ATP8A1: variants seen among roughly 807,000 people sequenced by gnomAD.
ATP8A1 encodes ATPase phospholipid transporting 8A1, also known as phospholipid-transporting ATPase IA.
A neutral mutation model predicts 177.7 loss-of-function variants in ATP8A1; 90 were observed. The ratio of observed to expected loss-of-function variants is 0.51; its 90% CI spans 0.43 to 0.60. ATP8A1 has a LOEUF of 0.60. Ranked by LOEUF, ATP8A1 falls within the 20% of genes least tolerant of loss-of-function variation. The pLI is 0.00. For synonymous variants in ATP8A1, 493 were observed against 485.9 expected (o/e 1.01, Z -0.19); for missense variants, 1,072 against 1,392.8 (o/e 0.77, Z 3.67).
chr4:42,563,695 G>A lies in ATP8A1; in HGVS notation c.1340+5466C>T, dbSNP rs142214620. Among the ~76,000 whole-genome samples the A allele has an allele frequency of 5.3e-5, 8 of 152,244 alleles. No individual in the cohort carries two copies. In the East Asian group the frequency reaches 1.4e-3, roughly 26 times the overall value. On this transcript the variant is annotated intron_variant, in intron 15 of 36. Transcript: ENST00000381668. ...TCTAGGACTTGGTGCCCTGTGTCAC[G>A]GCCACTCCAGCCATAACTAAAAGAG...
chr4:42,652,706 C>G (rs892639910), intron 1 of ATP8A1, among the ~76,000 whole-genome samples: 1 of 152,146 alleles, frequency 6.6e-6, no homozygotes, highest in Non-Finnish European at 1.5e-5. Context: ...GTTCTCATGA[C>G]AGTGAATAAG....
At chr4:42,562,845 C>T (rs1425998450) in intron 15 of ATP8A1, among the ~76,000 whole-genome samples, 1 of 152,220 alleles carries the variant, frequency 6.6e-6, no homozygotes, top group African/African-American at 2.4e-5. Context: ...ACATGACTTG[C>T]TCTTCCTTGC....
intron 19 of ATP8A1, among the ~76,000 whole-genome samples, chr4:42,547,863 T>C (rs181038437): frequency 6.6e-6 from 1 of 152,338 alleles, no homozygotes; most frequent in African/African-American, 2.4e-5. Context: ...ATGTACAAGT[T>C]TGTCTTATGC....
At chr4:42,459,448 C>A in intron 27 of ATP8A1, 1 of 257,532 alleles carries the variant, frequency 3.9e-6, no homozygotes, top group South Asian at 3.7e-5. Context: ...AGATTTATTG[C>A]TGGCAGTGGC....
In ATP8A1 at chr4:42,611,801, T is replaced by A. The variant is rs182542398; in HGVS notation, c.409+4232A>T. ...TTCAATGTGCATATTAGAATAACAA[T>A]TATAAATTTGTAATTTATAAATTTC... On this transcript the variant is annotated intron_variant, in intron 5 of 36. Coordinates refer to ENST00000381668, the MANE Select transcript of ATP8A1 (RefSeq NM_006095.2). Among the ~76,000 whole-genome samples the A allele has an allele frequency of 4.3e-3, 649 of 152,368 alleles. 7 individuals carry two copies. Among genetic ancestry groups the A allele is most frequent in the Admixed American group, 5.0e-3 (77 of 15,310 alleles).
intron 28 of ATP8A1, 31 bp from the exon 29 acceptor site, chr4:42,455,450 G>A: frequency 1.2e-6 from 2 of 1,613,702 alleles, no homozygotes; most frequent in Non-Finnish European, 1.7e-6. Flanking sequence ...ATTATGTCAA[G>A]CAGCCAAATG....
At chr4:42,644,397 C>T (rs1192531118) in intron 1 of ATP8A1, among the ~76,000 whole-genome samples, 1 of 152,108 alleles carries the variant, frequency 6.6e-6, no homozygotes, top group Non-Finnish European at 1.5e-5. Flanking sequence ...AAATCAGTTG[C>T]CATCTGGGGT....
chr4:42,609,915 C>T (rs1055243201), intron 5 of ATP8A1, among the ~76,000 whole-genome samples: 18 of 152,156 alleles, frequency 1.2e-4, no homozygotes, highest in Admixed American at 6.5e-5. Context: ...CCCTAACTTG[C>T]CTCCCTGTCC....
intron 27 of ATP8A1, among the ~76,000 whole-genome samples, chr4:42,464,158 C>T (rs969282624): frequency 6.6e-6 from 1 of 151,958 alleles, no homozygotes; most frequent in African/African-American, 2.4e-5. Flanking sequence ...GTATTTTTTA[C>T]ATTAAATACA....
intron 1 of ATP8A1, among the ~76,000 whole-genome samples, chr4:42,643,000 G>A (rs1441581611): frequency 1.3e-5 from 2 of 152,208 alleles, no homozygotes; most frequent in African/African-American, 4.8e-5. Flanking sequence ...TATAGTAAGT[G>A]CTTTCATTTA....
At chr4:42,417,057 C>A (rs1234010644) in intron 35 of ATP8A1, among the ~76,000 whole-genome samples, 1 of 152,106 alleles carries the variant, frequency 6.6e-6, no homozygotes, top group Non-Finnish European at 1.5e-5. Flanking sequence ...CTATTTTGAA[C>A]TTCTTGCTTT....
intron 5 of ATP8A1, among the ~76,000 whole-genome samples, chr4:42,610,623 T>G (rs554896281): frequency 6.6e-6 from 1 of 152,112 alleles, no homozygotes; most frequent in Admixed American, 6.5e-5. Context: ...GGAGCTGTCT[T>G]TCCCCACAAA....
At chr4:42,539,889 G>A (rs1445858771) in intron 20 of ATP8A1, among the ~76,000 whole-genome samples, 1 of 152,024 alleles carries the variant, frequency 6.6e-6, no homozygotes, top group African/African-American at 2.4e-5. Flanking sequence ...ATTGGTTTAG[G>A]CAAAAAATTT....
At chr4:42,509,718 G>A (rs1724799820) in intron 22 of ATP8A1, among the ~76,000 whole-genome samples, 1 of 152,002 alleles carries the variant, frequency 6.6e-6, no homozygotes, top group Non-Finnish European at 1.5e-5. Flanking sequence ...CGGGCATGGT[G>A]GCAGGCACCT....
rs1560354014 is a variant in ATP8A1 at position 42,464,901 on chromosome 4, T to C, written c.2500A>G (p.Ile834Val). 15 of 1,614,076 alleles carry C rather than the reference T, an allele frequency of 9.3e-6. No individual in the cohort carries two copies. The highest frequency in any genetic ancestry group is 1.2e-5 in the Non-Finnish European group (14 of 1,180,020). ...LQAANSSDYS[I>V]AQFKYLKNLL... Reference sequence around the variant, plus strand: ...CAGAAATGACGCTTTACCTGAGCTATGGAGTAGTCAGAGGAATTAGCTGCC... The same window carrying C: ...CAGAAATGACGCTTTACCTGAGCTACGGAGTAGTCAGAGGAATTAGCTGCC... Residue 834 changes from isoleucine (I) to valine (V), a missense_variant, in exon 26 of 37, where the codon ATA becomes GTA. Transcript: ENST00000381668.
intron 13 of ATP8A1, 72 bp from the exon 14 acceptor site, chr4:42,574,779 A>T (rs1732268905): frequency 9.9e-7 from 1 of 1,010,630 alleles, no homozygotes; most frequent in African/African-American, 1.7e-5. Flanking sequence ...GAAACCCCTC[A>T]TGCTTTTTAT....
chr4:42,433,542 G>C (rs1163746403), intron 33 of ATP8A1, among the ~76,000 whole-genome samples: 10 of 152,088 alleles, frequency 6.6e-5, no homozygotes, highest in East Asian at 3.9e-4. Context: ...ATAACTAAAG[G>C]GTGTTTCAGA....
At chr4:42,643,344 C>T (rs1740197531) in intron 1 of ATP8A1, among the ~76,000 whole-genome samples, 1 of 152,180 alleles carries the variant, frequency 6.6e-6, no homozygotes, top group Non-Finnish European at 1.5e-5. Flanking sequence ...TAAATGTCTA[C>T]AAACATATGT....
chr4:42,524,876 T>A (rs1351362551), intron 20 of ATP8A1, 29 bp from the exon 21 acceptor site: 2 of 1,477,504 alleles, frequency 1.4e-6, no homozygotes, highest in Non-Finnish European at 9.3e-7. Context: ...GTAAAATGAT[T>A]TAATTAAGCA....
Sources: allele counts gnomAD v4.1 joint callset (sites outside exome capture counted in the v4.1 genomes callset), GRCh38; gene constraint gnomAD v4.1.1; transcripts MANE v1.5; gene names NCBI Gene and HGNC (gene_info 2026-07-23, HGNC 2026-07-21).